Variants in TBC1D9 observed in about 807,000 individuals in gnomAD.
TBC1D9 encodes the protein TBC1 domain family member 9, also known as TBC1 domain family member 9A.
TBC1D9 carries 63 observed loss-of-function variants against 132.0 expected under a neutral mutation model. The observed-to-expected ratio is 0.48, with a 90% confidence interval of 0.39 to 0.59. The LOEUF (loss-of-function observed/expected upper bound fraction) is 0.59, where lower values mean the gene tolerates loss of function less well. Ranked by LOEUF, TBC1D9 falls within the 20% of genes least tolerant of loss-of-function variation. The pLI is 0.00. For synonymous variants in TBC1D9, 610 were observed against 609.9 expected (o/e 1.00, Z 0.00); for missense variants, 1,261 against 1,592.7 (o/e 0.79, Z 3.54).
chr4:140,643,723 T>A, intron 13 of TBC1D9: 2 of 1,216,896 alleles, frequency 1.6e-6, no homozygotes, highest in Non-Finnish European at 2.3e-6. Flanking sequence ...CAGGGTTCTG[T>A]CCGGCCCGGG....
At chr4:140,645,575 C>T in intron 13 of TBC1D9, 1 of 279,168 alleles carries the variant, frequency 3.6e-6, no homozygotes, top group Non-Finnish European at 6.9e-6. Flanking sequence ...CATTATCTTC[C>T]CCCAGTAGTA....
At position 140,740,080 on chromosome 4, in the gene TBC1D9, A is replaced by G. The variant is rs149479248; in HGVS notation, c.130+15836T>C. Among the ~76,000 whole-genome samples, 4 of 152,306 alleles carry G rather than the reference A, an allele frequency of 2.6e-5. No homozygotes were observed. In the East Asian group the frequency reaches 7.7e-4, roughly 29 times the overall value. On this transcript the variant is annotated intron_variant, in intron 1 of 20. Transcript: ENST00000442267. ...GACATCACCTCATGGAACTTCATCT[A>G]GCTTTGTGCTCCTTGCACCCAGATA...
chr4:140,755,562 T>C (rs775402535), intron 1 of TBC1D9, among the ~76,000 whole-genome samples: 2 of 152,148 alleles, frequency 1.3e-5, no homozygotes, highest in Non-Finnish European at 2.9e-5. Context: ...CCATCCCTCT[T>C]TTCCATTTGG....
intron 1 of TBC1D9, among the ~76,000 whole-genome samples, chr4:140,705,306 A>G (rs1295770776): frequency 2.0e-5 from 3 of 152,134 alleles, no homozygotes; most frequent in Non-Finnish European, 4.4e-5. Context: ...TCTTCCTCCC[A>G]GTTCTGCCTC....
intron 13 of TBC1D9, among the ~76,000 whole-genome samples, chr4:140,641,376 C>T (rs2110979060): frequency 6.6e-6 from 1 of 152,274 alleles, no homozygotes; most frequent in Middle Eastern, 3.4e-3. Context: ...AATACCTACT[C>T]CCCAGGAATT....
intron 1 of TBC1D9, among the ~76,000 whole-genome samples, chr4:140,711,750 T>C (rs1168965852): frequency 6.6e-6 from 1 of 152,212 alleles, no homozygotes; most frequent in South Asian, 2.1e-4. Context: ...GCACCTAGCA[T>C]ATGAAAAACA....
intron 6 of TBC1D9, among the ~76,000 whole-genome samples, chr4:140,675,350 T>C (rs1375117416): frequency 6.6e-6 from 1 of 152,134 alleles, no homozygotes; most frequent in Non-Finnish European, 1.5e-5. Context: ...CCCGAATCCT[T>C]TGCTAAAGGG....
intron 1 of TBC1D9, among the ~76,000 whole-genome samples, chr4:140,704,743 T>C (rs28415130): frequency 0.044 from 6,711 of 152,266 alleles, 176 homozygotes; most frequent in Middle Eastern, 0.099. Context: ...TGTTCCCAAC[T>C]AAAATCCAAC....
At position 140,657,176 on chromosome 4, in the gene TBC1D9, T is replaced by C; in HGVS notation, c.2258A>G (p.His753Arg). 1 of 1,613,782 alleles carries C rather than the reference T, an allele frequency of 6.2e-7. No homozygotes were observed. Among genetic ancestry groups the C allele is most frequent in the Middle Eastern group, 1.7e-4 (1 of 6,060 alleles). ...NKDSTLPPIP[H>R]LHSLLSDDVE... ...ATCATCGCTGAGCAAGGAGTGGAGG[T>C]GAGGAATGGGAGGCAGTGTGCTGTC... The change falls in exon 13 of 21, where the codon CAC becomes CGC. Residue 753 changes from histidine (H) to arginine (R), a missense_variant. Around this residue, in one of 3 missense-constraint regions of TBC1D9, gnomAD observed 618 missense variants for 724.4 expected, o/e 0.85. Coordinates refer to ENST00000442267, the MANE Select transcript of TBC1D9 (RefSeq NM_015130.3).
At chr4:140,635,677 A>G (rs1736868409) in intron 15 of TBC1D9, among the ~76,000 whole-genome samples, 1 of 152,188 alleles carries the variant, frequency 6.6e-6, no homozygotes, top group Non-Finnish European at 1.5e-5. Flanking sequence ...AAAGCTAAAA[A>G]GAGGAGTGGG....
intron 6 of TBC1D9, among the ~76,000 whole-genome samples, chr4:140,675,085 T>A (rs1206407413): frequency 6.6e-6 from 1 of 152,066 alleles, no homozygotes; most frequent in African/African-American, 2.4e-5. Flanking sequence ...AAAATAAAAA[T>A]TCCCTATAAA....
chr4:140,650,618 C>T (rs527968838), intron 13 of TBC1D9, among the ~76,000 whole-genome samples: 102 of 152,268 alleles, frequency 6.7e-4, no homozygotes, highest in Non-Finnish European at 1.1e-3. Flanking sequence ...CTGCAATCTC[C>T]GCCTCCCAGG....
chr4:140,721,916 G>C (rs1398270039), intron 1 of TBC1D9, among the ~76,000 whole-genome samples: 1 of 152,058 alleles, frequency 6.6e-6, no homozygotes, highest in Non-Finnish European at 1.5e-5. Flanking sequence ...TCTCGGCCTA[G>C]ACCTTAACCA....
chr4:140,687,396 A>G lies in TBC1D9; in HGVS notation c.242-934T>C, dbSNP rs1348344258. On this transcript the variant is annotated intron_variant, in intron 2 of 20. Coordinates refer to ENST00000442267, the MANE Select transcript of TBC1D9 (RefSeq NM_015130.3). The stretch of plus-strand genomic sequence containing the variant: ...TATATATATATATATATATATATAT[A>G]AACATATAGTATGCACTGCTCATTC... Among the ~76,000 whole-genome samples the G allele has an allele frequency of 1.1e-3, 122 of 110,350 alleles. 1 individual carries two copies. Among genetic ancestry groups the G allele is most frequent in the African/African-American group, 3.7e-3 (114 of 30,440 alleles). 72.4% of individuals were successfully genotyped at this position (110,350 alleles called of 152,430 possible).
At chr4:140,712,004 C>G (rs1192924782) in intron 1 of TBC1D9, among the ~76,000 whole-genome samples, 3 of 152,048 alleles carry the variant, frequency 2.0e-5, no homozygotes, top group Admixed American at 2.0e-4. Flanking sequence ...TACCTCCAAC[C>G]TTTTATTTTG....
rs1300310757 is a variant in TBC1D9 at position 140,669,793 on chromosome 4, T to C, written c.1278A>G (p.Arg426=). Reference sequence around the variant, plus strand: ...GGCTGGAGGAGACGAGGCTGCTGGGTCGAGAGTACACCTGTCAATACAGAG... The same window carrying C: ...GGCTGGAGGAGACGAGGCTGCTGGGCCGAGAGTACACCTGTCAATACAGAG... ...YNSSDDEVYS[R]PSSLVSSSPQ... is the part of the protein sequence containing the mutation. Residue 426 remains arginine (R), a synonymous_variant, in exon 8 of 21, where the codon CGA becomes CGG. Transcript: ENST00000442267. 8.7e-6 allele frequency: 14 copies of C among 1,613,430 alleles called. No individual in the cohort carries two copies. The highest frequency in any genetic ancestry group is 1.3e-5 in the African/African-American group (1 of 74,880).
At chr4:140,699,746 A>G (rs552038833) in intron 2 of TBC1D9, among the ~76,000 whole-genome samples, 57 of 152,240 alleles carry the variant, frequency 3.7e-4, no homozygotes, top group Middle Eastern at 3.4e-3. Flanking sequence ...AATGAGGGAA[A>G]TCTGAACAAA....
intron 13 of TBC1D9, among the ~76,000 whole-genome samples, chr4:140,639,660 A>G (rs909081552): frequency 6.6e-6 from 1 of 152,212 alleles, no homozygotes; most frequent in Non-Finnish European, 1.5e-5. Flanking sequence ...AGTCAAATGT[A>G]TTTTCCTTAA....
At chr4:140,687,436 G>A (rs1167215269) in intron 2 of TBC1D9, among the ~76,000 whole-genome samples, 2 of 137,776 alleles carry the variant, frequency 1.5e-5, no homozygotes, top group African/African-American at 2.6e-5. Flanking sequence ...ACTAAAGAAG[G>A]AGTTTGTGAT....
Sources: allele counts gnomAD v4.1 joint callset (sites outside exome capture counted in the v4.1 genomes callset), GRCh38; gene constraint gnomAD v4.1.1; regional missense constraint gnomAD v4.1.1; transcripts MANE v1.5; gene names NCBI Gene and HGNC (gene_info 2026-07-23, HGNC 2026-07-21).